KCNT2: variants seen among roughly 807,000 people sequenced by gnomAD.
KCNT2 encodes the protein potassium channel subfamily T member 2.
A neutral mutation model predicts 153.8 loss-of-function variants in KCNT2; 67 were observed. That is an observed-to-expected ratio of 0.44 (90% CI 0.36 to 0.53). KCNT2 has a LOEUF of 0.53. Ranked by LOEUF, KCNT2 falls within the 20% of genes least tolerant of loss-of-function variation. KCNT2 has a pLI of 0.00. For synonymous variants in KCNT2, 500 were observed against 458.8 expected, an observed-to-expected ratio of 1.09 and a Z score of -1.15; for missense variants, 975 against 1,354.8, an observed-to-expected ratio of 0.72 and a Z score of 4.40.
At chr1:196,548,381 T>C (rs940437594) in intron 1 of KCNT2, among the ~76,000 whole-genome samples, 1 of 152,040 alleles carries the variant, frequency 6.6e-6, no homozygotes, top group Non-Finnish European at 1.5e-5. Context: ...AGAAGACTTT[T>C]ATGCAGCCAA....
At chr1:196,304,376 T>A (rs991314785) in intron 22 of KCNT2, among the ~76,000 whole-genome samples, 2 of 152,140 alleles carry the variant, frequency 1.3e-5, no homozygotes, top group Non-Finnish European at 2.9e-5. Flanking sequence ...TTTTTAGAAA[T>A]GGGATCTCAC....
At chr1:196,430,776 C>T (rs750680100) in intron 8 of KCNT2, among the ~76,000 whole-genome samples, 32 of 151,966 alleles carry the variant, frequency 2.1e-4, no homozygotes, top group Admixed American at 4.6e-4. Flanking sequence ...AGAAATAATG[C>T]TGCTATTAAC....
intron 21 of KCNT2, among the ~76,000 whole-genome samples, chr1:196,306,717 G>GT (rs900001405): frequency 2.0e-4 from 30 of 149,280 alleles, no homozygotes; most frequent in South Asian, 4.2e-4. Context: ...AAGAGTTTTG[G>GT]TTTTTTTTTG....
chr1:196,339,576 T>A lies in KCNT2; in HGVS notation c.1783+765A>T, dbSNP rs562885110. Among the ~76,000 whole-genome samples, 8 of 134,560 alleles carry A rather than the reference T, an allele frequency of 5.9e-5. No individual in the cohort carries two copies. In the South Asian group the frequency reaches 1.9e-3, roughly 32 times the overall value. 88.3% of individuals were successfully genotyped at this position (134,560 alleles called of 152,430 possible). A position where few individuals can be genotyped will look rare whatever the true frequency, so the allele number is the denominator to read the frequency against. ...AGACAGAGACACAGAGAGAGAGAGATCAGCCAGTGATTCTGAATAGAAAAT... is the reference window on the plus strand; with the variant it reads ...AGACAGAGACACAGAGAGAGAGAGAACAGCCAGTGATTCTGAATAGAAAAT... On this transcript the variant is annotated intron_variant, in intron 16 of 27. Transcript: ENST00000294725.
At chr1:196,237,470 T>C (rs956878877) in intron 26 of KCNT2, among the ~76,000 whole-genome samples, 1 of 151,726 alleles carries the variant, frequency 6.6e-6, no homozygotes, top group South Asian at 2.1e-4. Context: ...GCTCCACATC[T>C]ATGGGATAGA....
At chr1:196,500,488 T>C (rs1680613448) in intron 1 of KCNT2, among the ~76,000 whole-genome samples, 1 of 152,166 alleles carries the variant, frequency 6.6e-6, no homozygotes, top group African/African-American at 2.4e-5. Flanking sequence ...TTCTAGAACA[T>C]TTGTAAAATA....
chr1:196,301,529 A>G (rs552769909), intron 22 of KCNT2, among the ~76,000 whole-genome samples: 8 of 152,276 alleles, frequency 5.3e-5, no homozygotes, highest in Non-Finnish European at 1.0e-4. Flanking sequence ...ACCAGTGGAA[A>G]CCATATATTA....
intron 10 of KCNT2, 25 bp from the exon 11 acceptor site, chr1:196,426,013 G>A (rs778234838): frequency 6.3e-7 from 1 of 1,594,618 alleles, no homozygotes. Flanking sequence ...ATGGGCAATG[G>A]AATAGAAACA....
intron 5 of KCNT2, among the ~76,000 whole-genome samples, chr1:196,472,986 T>C (rs1427499259): frequency 2.6e-5 from 4 of 152,316 alleles, no homozygotes; most frequent in Admixed American, 6.5e-5. Flanking sequence ...GATTATATCA[T>C]GCAAGGCACT....
Position 196,455,868 on chromosome 1 carries a change from CAAA to C in KCNT2, c.638+9422_638+9424del, listed in dbSNP as rs1572515749. 3.9e-5 allele frequency among the ~76,000 whole-genome samples: 6 copies of C among 152,156 alleles called. No individual in the cohort carries two copies. The East Asian group carries it at 1.2e-3, about 30-fold the overall frequency. On this transcript the variant is annotated intron_variant, in intron 8 of 27. Coordinates refer to ENST00000294725, the MANE Select transcript of KCNT2 (RefSeq NM_198503.5). ...CAAGAAACCTTTCTGACCCTGTTCTCAAATTTCCCACTTTCAGTAGATGGAGAG... is the reference window on the plus strand; with the variant it reads ...CAAGAAACCTTTCTGACCCTGTTCTCTTTCCCACTTTCAGTAGATGGAGAG...
intron 1 of KCNT2, among the ~76,000 whole-genome samples, chr1:196,587,417 A>G (rs1284318521): frequency 3.3e-5 from 5 of 152,072 alleles, no homozygotes; most frequent in Admixed American, 6.6e-5. Context: ...AAGATTTTAT[A>G]CCCTCAACAG....
intron 22 of KCNT2, among the ~76,000 whole-genome samples, chr1:196,296,420 A>G (rs1410662376): frequency 1.3e-5 from 2 of 152,016 alleles, no homozygotes; most frequent in African/African-American, 4.8e-5. Flanking sequence ...ATGAATAAGT[A>G]TACGGAGACT....
At chr1:196,310,987 T>C (rs1256833286) in intron 21 of KCNT2, among the ~76,000 whole-genome samples, 4 of 151,774 alleles carry the variant, frequency 2.6e-5, no homozygotes, top group South Asian at 2.1e-4. Flanking sequence ...ATCTCAGAGC[T>C]TCGTATATGC....
chr1:196,318,336 A>C (rs1386982284), intron 20 of KCNT2, among the ~76,000 whole-genome samples: 1 of 151,804 alleles, frequency 6.6e-6, no homozygotes, highest in Non-Finnish European at 1.5e-5. Flanking sequence ...TTAGATGAAC[A>C]TAACTGTCCC....
chr1:196,424,312 T>C (rs779991381), intron 11 of KCNT2, among the ~76,000 whole-genome samples: 4 of 151,980 alleles, frequency 2.6e-5, no homozygotes, highest in Non-Finnish European at 4.4e-5. Context: ...ATTACACAAA[T>C]TCATATTGAA....
intron 21 of KCNT2, among the ~76,000 whole-genome samples, chr1:196,311,637 A>C (rs1662192806): frequency 6.6e-6 from 1 of 151,772 alleles, no homozygotes; most frequent in Non-Finnish European, 1.5e-5. Flanking sequence ...TCTGCCCTAA[A>C]CATTATATTC....
rs1370743758 is a variant in KCNT2, at chr1:196,504,841, G to A, written c.96-12500C>T. The stretch of plus-strand genomic sequence containing the variant: ...TGCATTTCTCTGATGGCCAGTGATG[G>A]TGAGCATTTTTTTATGTGTTTTTTG... On this transcript the variant is annotated intron_variant, in intron 1 of 27. Coordinates refer to ENST00000294725, the MANE Select transcript of KCNT2 (RefSeq NM_198503.5). Among the ~76,000 whole-genome samples, 6 of 152,260 alleles carry A rather than the reference G, an allele frequency of 3.9e-5. No homozygotes were observed. In the East Asian group the frequency reaches 7.7e-4, roughly 20 times the overall value.
intron 17 of KCNT2, among the ~76,000 whole-genome samples, chr1:196,332,375 C>G (rs950749374): frequency 6.6e-6 from 1 of 152,146 alleles, no homozygotes; most frequent in Non-Finnish European, 1.5e-5. Flanking sequence ...CCAAACCTAT[C>G]CCTGTTCCCA....
chr1:196,576,438 G>A (rs754376322), intron 1 of KCNT2, among the ~76,000 whole-genome samples: 5 of 152,028 alleles, frequency 3.3e-5, no homozygotes, highest in African/African-American at 7.2e-5. Context: ...AACATTCCAC[G>A]CCAAACTTGT....
Sources: allele counts gnomAD v4.1 joint callset (sites outside exome capture counted in the v4.1 genomes callset), GRCh38; gene constraint gnomAD v4.1.1; transcripts MANE v1.5; gene names NCBI Gene and HGNC (gene_info 2026-07-23, HGNC 2026-07-21).